Variants in NIBAN1 observed in about 807,000 individuals in gnomAD.
NIBAN1 encodes the protein niban apoptosis regulator 1.
Under a neutral mutation model 75.1 loss-of-function variants are expected in NIBAN1, and 81 were observed. The observed-to-expected ratio is 1.08, with a 90% CI of 0.90 to 1.30. The LOEUF (loss-of-function observed/expected upper bound fraction) is 1.30, where lower values mean the gene tolerates loss of function less well. Ranked by LOEUF, NIBAN1 falls within the 50% of genes most tolerant of loss-of-function variation. The pLI is 0.00. For synonymous variants in NIBAN1, 436 were observed against 424.8 expected (o/e 1.03, Z -0.32); for missense variants, 1,133 against 1,128.1 (o/e 1.00, Z -0.06).
chr1:184,809,346 G>A (rs1053469854), intron 9 of NIBAN1, among the ~76,000 whole-genome samples: 5 of 152,208 alleles, frequency 3.3e-5, no homozygotes, highest in African/African-American at 1.2e-4. Flanking sequence ...TATCAATTAA[G>A]CAGACAGAAG....
chr1:184,909,461 G>A (rs61823953), intron 1 of NIBAN1, among the ~76,000 whole-genome samples: 1 of 152,082 alleles, frequency 6.6e-6, no homozygotes, highest in South Asian at 2.1e-4. Context: ...GCCCAGATAT[G>A]CTTGCATTCT....
At chr1:184,952,400 C>A (rs906974136) in intron 1 of NIBAN1, among the ~76,000 whole-genome samples, 1 of 151,776 alleles carries the variant, frequency 6.6e-6, no homozygotes, top group African/African-American at 2.4e-5. Context: ...GACCCTGTCT[C>A]AAAAAAAGAA....
chr1:184,958,695 A>T lies in NIBAN1; in HGVS notation c.55+15607T>A, dbSNP rs528815312. On this transcript the variant is annotated intron_variant, in intron 1 of 13. Transcript: ENST00000367511. Reference sequence around the variant, plus strand: ...TACAGTGATTATCATTTCTCAGGCCAGGAGTTAGCATTTTTAGTTAGGAAC... The same window carrying T: ...TACAGTGATTATCATTTCTCAGGCCTGGAGTTAGCATTTTTAGTTAGGAAC... 4.3e-4 allele frequency among the ~76,000 whole-genome samples: 65 copies of T among 152,348 alleles called. No individual in the cohort carries two copies. The South Asian group carries it at 9.5e-3, about 22-fold the overall frequency.
At chr1:184,888,375 T>A (rs1382080631) in intron 4 of NIBAN1, among the ~76,000 whole-genome samples, 1 of 152,172 alleles carries the variant, frequency 6.6e-6, no homozygotes, top group African/African-American at 2.4e-5. Flanking sequence ...TCTCCAAGAA[T>A]GTCATAATTT....
At chr1:184,846,168 G>A (rs1298244318) in intron 5 of NIBAN1, among the ~76,000 whole-genome samples, 1 of 41,322 alleles carries the variant, frequency 2.4e-5, no homozygotes, top group Non-Finnish European at 4.5e-5. Context: ...ACCTCTGGGG[G>A]CAGGGCACAG....
intron 13 of NIBAN1, among the ~76,000 whole-genome samples, chr1:184,796,961 A>G (rs1653890783): frequency 6.6e-6 from 1 of 152,134 alleles, no homozygotes; most frequent in Non-Finnish European, 1.5e-5. Context: ...TTGTGTAGAC[A>G]CTGTGCTGAC....
chr1:184,933,891 A>G (rs1657887512), intron 1 of NIBAN1, among the ~76,000 whole-genome samples: 1 of 152,260 alleles, frequency 6.6e-6, no homozygotes, highest in African/African-American at 2.4e-5. Flanking sequence ...GTGAATGCCA[A>G]TGCTGGTTCA....
At chr1:184,961,285 G>T (rs1003253182) in intron 1 of NIBAN1, among the ~76,000 whole-genome samples, 3 of 151,070 alleles carry the variant, frequency 2.0e-5, no homozygotes, top group Admixed American at 2.0e-4. Flanking sequence ...TAGCCAGGAT[G>T]GTCTGGGTCT....
At chr1:184,934,196 T>G (rs1007098251) in intron 1 of NIBAN1, among the ~76,000 whole-genome samples, 2 of 152,232 alleles carry the variant, frequency 1.3e-5, no homozygotes, top group African/African-American at 4.8e-5. Context: ...GAAGCCATTA[T>G]CCTAAGCGAA....
intron 1 of NIBAN1, among the ~76,000 whole-genome samples, chr1:184,927,861 A>G (rs1326478095): frequency 6.6e-6 from 1 of 151,912 alleles, no homozygotes; most frequent in Non-Finnish European, 1.5e-5. Context: ...GCTGGCACCC[A>G]AGCCACAAGA....
intron 11 of NIBAN1, among the ~76,000 whole-genome samples, chr1:184,804,559 C>A (rs908737358): frequency 6.6e-6 from 1 of 152,142 alleles, no homozygotes; most frequent in Admixed American, 6.5e-5. Context: ...AGTGGGACCA[C>A]CCCTTGAGGG....
chr1:184,884,846 T>G, intron 4 of NIBAN1, 46 bp from the exon 5 acceptor site: 1 of 1,595,608 alleles, frequency 6.3e-7, no homozygotes, highest in South Asian at 1.1e-5. Flanking sequence ...ACATGTATCT[T>G]TTATTTCAAA....
chr1:184,875,209 G>A (rs557585474), intron 5 of NIBAN1, among the ~76,000 whole-genome samples: 4 of 152,142 alleles, frequency 2.6e-5, no homozygotes, highest in Non-Finnish European at 4.4e-5. Context: ...AAAAATGGCC[G>A]ATGACTAATG....
intron 1 of NIBAN1, among the ~76,000 whole-genome samples, chr1:184,954,650 T>TC (rs1311645413): frequency 6.6e-6 from 1 of 152,214 alleles, no homozygotes; most frequent in Non-Finnish European, 1.5e-5. Context: ...CTTGTCATTT[T>TC]CGGGATGCTT....
At chr1:184,885,510 G>T (rs1255585076) in intron 4 of NIBAN1, among the ~76,000 whole-genome samples, 1 of 152,084 alleles carries the variant, frequency 6.6e-6, no homozygotes, top group Non-Finnish European at 1.5e-5. Context: ...TATGTCTAAA[G>T]ACCCACAAAC....
intron 1 of NIBAN1, among the ~76,000 whole-genome samples, chr1:184,914,449 CAGAG>C (rs1571569724): frequency 1.3e-5 from 2 of 152,282 alleles, no homozygotes; most frequent in South Asian, 4.1e-4. Context: ...TTGGGGATGA[CAGAG>C]AGGTTCTGTA....
At chr1:184,856,398 GT>G (rs1655678072) in intron 5 of NIBAN1, among the ~76,000 whole-genome samples, 1 of 152,048 alleles carries the variant, frequency 6.6e-6, no homozygotes, top group Non-Finnish European at 1.5e-5. Flanking sequence ...TACAGTAAGG[GT>G]TCTAAAAAAT....
At chr1:184,908,644 G>A (rs1339172688) in intron 1 of NIBAN1, among the ~76,000 whole-genome samples, 3 of 152,230 alleles carry the variant, frequency 2.0e-5, no homozygotes, top group Non-Finnish European at 4.4e-5. Context: ...CACACATCTT[G>A]TTTCAGCTAT....
At chr1:184,798,687 A>G (rs1211739067) in intron 12 of NIBAN1, among the ~76,000 whole-genome samples, 1 of 152,212 alleles carries the variant, frequency 6.6e-6, no homozygotes, top group African/African-American at 2.4e-5. Context: ...ATGATTTTAA[A>G]TATGTAAATA....
Sources: gnomAD v4.1 joint callset for allele counts (sites outside exome capture counted in the v4.1 genomes callset) on GRCh38, gnomAD v4.1.1 for gene constraint, MANE v1.5 for transcripts, NCBI Gene and HGNC (gene_info 2026-07-23, HGNC 2026-07-21) for gene names.